ANO10: variants seen among roughly 807,000 people sequenced by gnomAD.
The protein encoded by ANO10 is anoctamin 10.
ANO10 carries 77 observed loss-of-function variants against 74.7 expected under a neutral mutation model. The ratio of observed to expected loss-of-function variants is 1.03; its 90% CI spans 0.86 to 1.25. The LOEUF (loss-of-function observed/expected upper bound fraction) is 1.25, where lower values mean the gene tolerates loss of function less well. Among genes scored for constraint, ANO10 ranks in the 50% most tolerant of loss-of-function variants. The pLI, the probability that ANO10 is intolerant of heterozygous loss-of-function variation, is 0.00. For missense variants in ANO10, 721 were observed against 778.1 expected (o/e 0.93, Z 0.87); for synonymous variants, 279 against 284.9 (o/e 0.98, Z 0.21).
chr3:43,464,665 A>G (rs2075537308), intron 11 of ANO10, among the ~76,000 whole-genome samples: 1 of 152,132 alleles, frequency 6.6e-6, no homozygotes. Flanking sequence ...GGTGACAGAC[A>G]GAGACCCCAT....
intron 1 of ANO10, among the ~76,000 whole-genome samples, chr3:43,682,858 A>C (rs1425293552): frequency 6.6e-6 from 1 of 152,242 alleles, no homozygotes; most frequent in Non-Finnish European, 1.5e-5. Context: ...GATGCAGAAA[A>C]GGCCTTTGAC....
At chr3:43,599,648 G>A (rs1346964459) in intron 3 of ANO10, among the ~76,000 whole-genome samples, 1 of 152,146 alleles carries the variant, frequency 6.6e-6, no homozygotes, top group Non-Finnish European at 1.5e-5. Flanking sequence ...GCTCATGCCT[G>A]TAATCTCAGC....
At chr3:43,626,855 G>T (rs1461229725), upstream of ANO10, among the ~76,000 whole-genome samples, 1 of 151,960 alleles carries the variant, frequency 6.6e-6, no homozygotes, top group African/African-American at 2.4e-5. Context: ...TTTAATTTTT[G>T]AATCTTCATA....
chr3:43,392,359 G>A (rs1423310521), intron 12 of ANO10, among the ~76,000 whole-genome samples: 1 of 152,062 alleles, frequency 6.6e-6, no homozygotes, highest in Non-Finnish European at 1.5e-5. Context: ...GATACCTCTG[G>A]AACATCTATC....
intron 1 of ANO10, among the ~76,000 whole-genome samples, chr3:43,634,003 A>AC (rs1276396204): frequency 2.0e-5 from 3 of 151,284 alleles, no homozygotes; most frequent in African/African-American, 7.3e-5. Flanking sequence ...AGCAAAAAAA[A>AC]AAAAAAAAAA....
At chr3:43,489,349 A>G (rs1196860014) in intron 11 of ANO10, among the ~76,000 whole-genome samples, 1 of 152,138 alleles carries the variant, frequency 6.6e-6, no homozygotes, top group African/African-American at 2.4e-5. Flanking sequence ...AATTAAAAAA[A>G]AATCTGTTTT....
chr3:43,571,192 C>T (rs1305160124), intron 7 of ANO10, among the ~76,000 whole-genome samples: 1 of 151,184 alleles, frequency 6.6e-6, no homozygotes, highest in African/African-American at 2.4e-5. Context: ...ACAACAGGTG[C>T]TAGAGAGGAT....
At chr3:43,670,840 T>A (rs1054089216) in intron 1 of ANO10, among the ~76,000 whole-genome samples, 1 of 152,202 alleles carries the variant, frequency 6.6e-6, no homozygotes, top group Non-Finnish European at 1.5e-5. Flanking sequence ...CTACAACAGA[T>A]GCAAACCCAT....
rs546421703 is a variant in ANO10 at position 43,565,468 on chromosome 3, A to T, written c.1293+185T>A. Reference sequence around the variant, plus strand: ...TTTTCAGGTTGGTTAGGTTCAACTCATTTCAGTTGAGCATAATACACAATG... The same window carrying T: ...TTTTCAGGTTGGTTAGGTTCAACTCTTTTCAGTTGAGCATAATACACAATG... On this transcript the variant is annotated intron_variant, in intron 8 of 12. Coordinates refer to ENST00000292246, the MANE Select transcript of ANO10 (RefSeq NM_018075.5). Among the ~76,000 whole-genome samples, 3 of 152,316 alleles carry T rather than the reference A, an allele frequency of 2.0e-5. No homozygotes were observed. In the East Asian group the frequency reaches 5.8e-4, roughly 29 times the overall value.
At chr3:43,673,137 A>C (rs1478324607) in intron 1 of ANO10, among the ~76,000 whole-genome samples, 1 of 152,186 alleles carries the variant, frequency 6.6e-6, no homozygotes, top group African/African-American at 2.4e-5. Context: ...GATGGGTGAA[A>C]ATTCTTCCCT....
chr3:43,562,151 A>T (rs972605480), intron 8 of ANO10, among the ~76,000 whole-genome samples: 7 of 152,030 alleles, frequency 4.6e-5, no homozygotes, highest in Non-Finnish European at 7.4e-5. Flanking sequence ...CGGGCAGATC[A>T]CCTGAGATGG....
At chr3:43,671,275 G>A (rs1222896763) in intron 1 of ANO10, among the ~76,000 whole-genome samples, 1 of 152,148 alleles carries the variant, frequency 6.6e-6, no homozygotes, top group Non-Finnish European at 1.5e-5. Context: ...AAAGGAATTA[G>A]AGGCCACATC....
At chr3:43,461,478 C>A (rs971860972) in intron 11 of ANO10, among the ~76,000 whole-genome samples, 1 of 152,190 alleles carries the variant, frequency 6.6e-6, no homozygotes, top group Non-Finnish European at 1.5e-5. Context: ...ACCCGAATCT[C>A]ATCTTGAATT....
chr3:43,523,145 C>T (rs977113461), intron 11 of ANO10, among the ~76,000 whole-genome samples: 3 of 152,164 alleles, frequency 2.0e-5, no homozygotes, highest in African/African-American at 7.2e-5. Flanking sequence ...AACCAATATT[C>T]AAACCTGTCA....
intron 11 of ANO10, among the ~76,000 whole-genome samples, chr3:43,536,299 A>C (rs750484408): frequency 6.6e-6 from 1 of 152,150 alleles, no homozygotes; most frequent in Non-Finnish European, 1.5e-5. Flanking sequence ...AGAATTCTCA[A>C]TCACTCCCAG....
intron 1 of ANO10, among the ~76,000 whole-genome samples, chr3:43,682,613 C>A (rs554675113): frequency 6.6e-6 from 1 of 152,248 alleles, no homozygotes; most frequent in African/African-American, 2.4e-5. Flanking sequence ...CAAAGCCTGG[C>A]AGAGACACAA....
intron 12 of ANO10, among the ~76,000 whole-genome samples, chr3:43,409,606 A>G (rs2135510): frequency 0.98 from 149,480 of 152,300 alleles, 73,422 homozygotes; most frequent in East Asian, 1. Context: ...CTCCTCTGTA[A>G]CCAAGTCTAT....
chr3:43,610,329 G>A lies in ANO10; in HGVS notation c.-11-4466C>T, dbSNP rs573247766. ...TTCTGGAATACCTCCTGAAGGACCT[G>A]CCTGAGGCTGTTTTATGGTTAACTT... On this transcript the variant is annotated intron_variant, in intron 1 of 12. Coordinates refer to ENST00000292246, the MANE Select transcript of ANO10 (RefSeq NM_018075.5). 1.1e-3 allele frequency among the ~76,000 whole-genome samples: 161 copies of A among 152,236 alleles called. 1 individual carries two copies. The highest frequency in any genetic ancestry group is 3.7e-3 in the African/African-American group (152 of 41,546).
At chr3:43,383,869 T>C (rs2092042410) in intron 12 of ANO10, among the ~76,000 whole-genome samples, 1 of 152,168 alleles carries the variant, frequency 6.6e-6, no homozygotes, top group African/African-American at 2.4e-5. Context: ...AAGACAAGGA[T>C]GCCCACTTTC....
Sources: allele counts gnomAD v4.1 joint callset (sites outside exome capture counted in the v4.1 genomes callset), GRCh38; gene constraint gnomAD v4.1.1; transcripts MANE v1.5; gene names NCBI Gene and HGNC (gene_info 2026-07-23, HGNC 2026-07-21).